Variants in PRKCB observed in about 807,000 individuals in gnomAD.
PRKCB encodes protein kinase C beta, also known as protein kinase C beta type.
Under a neutral mutation model 81.5 loss-of-function variants are expected in PRKCB, and 13 were observed. The ratio of observed to expected loss-of-function variants is 0.16; its 90% CI spans 0.10 to 0.25. The LOEUF (loss-of-function observed/expected upper bound fraction) is 0.25. PRKCB is among the 10% of genes least tolerant of loss of function. The pLI is 1.00. For synonymous variants in PRKCB, 335 were observed against 321.4 expected (o/e 1.04, Z -0.45); for missense variants, 509 against 875.7 (o/e 0.58, Z 5.29).
At chr16:24,014,024 C>T (rs750402936) in intron 3 of PRKCB, among the ~76,000 whole-genome samples, 27 of 152,198 alleles carry the variant, frequency 1.8e-4, no homozygotes, top group Non-Finnish European at 8.8e-5. Flanking sequence ...ACAAACTCAC[C>T]GTGTCCTTCT....
At chr16:24,173,102 G>A (rs568501354) in intron 11 of PRKCB, among the ~76,000 whole-genome samples, 84 of 151,934 alleles carry the variant, frequency 5.5e-4, no homozygotes, top group Non-Finnish European at 9.7e-4. Context: ...ACCACTCTCC[G>A]TCTTAGATGC....
intron 2 of PRKCB, among the ~76,000 whole-genome samples, chr16:23,928,845 A>G (rs1004724984): frequency 1.3e-5 from 2 of 151,844 alleles, no homozygotes; most frequent in African/African-American, 4.8e-5. Flanking sequence ...CAGCCTCCCA[A>G]GTAGCTAGGA....
chr16:24,205,988 A>G (rs1567412630), intron 16 of PRKCB, among the ~76,000 whole-genome samples: 1 of 152,168 alleles, frequency 6.6e-6, no homozygotes, highest in Non-Finnish European at 1.5e-5. Context: ...ATCTGGAGGA[A>G]ATCAAAACAC....
At chr16:23,881,686 CACAT>C (rs1963109585) in intron 2 of PRKCB, among the ~76,000 whole-genome samples, 1 of 152,090 alleles carries the variant, frequency 6.6e-6, no homozygotes, top group South Asian at 2.1e-4. Context: ...TGGTAAAAAA[CACAT>C]AACATAAAAT....
chr16:24,039,863 C>T (rs564591162), intron 5 of PRKCB, among the ~76,000 whole-genome samples: 1 of 152,316 alleles, frequency 6.6e-6, no homozygotes, highest in South Asian at 2.1e-4. Context: ...CTCCAGCCCC[C>T]TCCTCCTTGG....
chr16:23,922,917 A>G (rs1963846759), intron 2 of PRKCB, among the ~76,000 whole-genome samples: 1 of 151,336 alleles, frequency 6.6e-6, no homozygotes, highest in African/African-American at 2.4e-5. Flanking sequence ...TGTTACAGAC[A>G]TAGTTTAGAT....
chr16:24,035,543 C>T lies in PRKCB; in HGVS notation c.525C>T (p.Val175=). ...QAHIDRDVLI[V]LVRDAKNLVP... Reference sequence around the variant, plus strand: ...ACATCGACAGGGACGTCCTCATTGTCCTCGGTAGGTGGCCCTGGGGCTCCA... The same window carrying T: ...ACATCGACAGGGACGTCCTCATTGTTCTCGGTAGGTGGCCCTGGGGCTCCA... Residue 175 remains valine (V), a synonymous_variant, in exon 5 of 17, where the codon GTC becomes GTT. Coordinates refer to ENST00000643927, the MANE Select transcript of PRKCB (RefSeq NM_002738.7). The T allele has an allele frequency of 6.2e-7, 1 of 1,613,670 alleles. No individual in the cohort carries two copies.
At chr16:23,904,749 T>A (rs141856081) in intron 2 of PRKCB, among the ~76,000 whole-genome samples, 78 of 152,296 alleles carry the variant, frequency 5.1e-4, no homozygotes, top group African/African-American at 1.8e-3. Flanking sequence ...TTTATACATG[T>A]CAGTTATTGG....
At chr16:24,121,614 C>G (rs1258344356) in intron 8 of PRKCB, among the ~76,000 whole-genome samples, 1 of 152,170 alleles carries the variant, frequency 6.6e-6, no homozygotes, top group African/African-American at 2.4e-5. Flanking sequence ...TGGCCTCAAG[C>G]AGTCCTGCCT....
intron 5 of PRKCB, among the ~76,000 whole-genome samples, chr16:24,089,522 A>G (rs1423556055): frequency 2.6e-5 from 4 of 152,204 alleles, no homozygotes; most frequent in African/African-American, 4.8e-5. Context: ...TAATCCTAGC[A>G]CTTTGGGAGA....
intron 3 of PRKCB, among the ~76,000 whole-genome samples, chr16:24,003,406 A>G (rs1965068052): frequency 6.9e-6 from 1 of 145,234 alleles, no homozygotes; most frequent in African/African-American, 2.6e-5. Flanking sequence ...TTTTTTTGAG[A>G]CAAAGTCTCG....
chr16:24,015,550 G>T (rs761869061), intron 3 of PRKCB, among the ~76,000 whole-genome samples: 12 of 152,226 alleles, frequency 7.9e-5, no homozygotes. Flanking sequence ...CTCATGCAGT[G>T]GAGCAGTTAC....
intron 2 of PRKCB, among the ~76,000 whole-genome samples, chr16:23,965,892 C>A (rs545853869): frequency 6.6e-6 from 1 of 152,328 alleles, no homozygotes; most frequent in East Asian, 1.9e-4. Flanking sequence ...TGCTGTGGCA[C>A]CACAAAGCTC....
intron 2 of PRKCB, among the ~76,000 whole-genome samples, chr16:23,960,112 T>C (rs937046248): frequency 6.6e-6 from 1 of 152,106 alleles, no homozygotes; most frequent in Non-Finnish European, 1.5e-5. Context: ...GAGAGGATGA[T>C]TAATGTCCCC....
intron 2 of PRKCB, among the ~76,000 whole-genome samples, chr16:23,879,852 G>A (rs1274358260): frequency 6.6e-6 from 1 of 152,136 alleles, no homozygotes; most frequent in East Asian, 1.9e-4. Flanking sequence ...AGGCTCTTGG[G>A]CCATAGCTTC....
chr16:23,879,177 C>CA (rs539041605), intron 2 of PRKCB, among the ~76,000 whole-genome samples: 13,838 of 144,060 alleles, frequency 0.096, 686 homozygotes, highest in Middle Eastern at 0.19. Context: ...GACTCCATCT[C>CA]AAAAAAAAAA....
intron 2 of PRKCB, among the ~76,000 whole-genome samples, chr16:23,924,351 C>A (rs918317633): frequency 6.6e-6 from 1 of 151,990 alleles, no homozygotes; most frequent in Non-Finnish European, 1.5e-5. Flanking sequence ...ATTACCCAGT[C>A]TCGGGTAGTA....
At chr16:23,946,746 T>C (rs1964208172) in intron 2 of PRKCB, among the ~76,000 whole-genome samples, 1 of 152,168 alleles carries the variant, frequency 6.6e-6, no homozygotes, top group African/African-American at 2.4e-5. Flanking sequence ...TGTGATCCAG[T>C]AGGTCTGGGG....
chr16:23,919,013 T>C (rs1340923636), intron 2 of PRKCB, among the ~76,000 whole-genome samples: 1 of 152,244 alleles, frequency 6.6e-6, no homozygotes, highest in Non-Finnish European at 1.5e-5. Context: ...TCTAGTATCC[T>C]CTTTAGAAAT....
Sources: gnomAD v4.1 joint callset for allele counts (sites outside exome capture counted in the v4.1 genomes callset) on GRCh38, gnomAD v4.1.1 for gene constraint, MANE v1.5 for transcripts, NCBI Gene and HGNC (gene_info 2026-07-23, HGNC 2026-07-21) for gene names.